MYO3B: variants seen among roughly 807,000 people sequenced by gnomAD.
MYO3B encodes myosin IIIB, also known as myosin-IIIb.
In MYO3B, 156 loss-of-function variants were observed where a neutral mutation model predicts 174.6. That is an observed-to-expected ratio of 0.89 (90% CI 0.78 to 1.02). MYO3B has a LOEUF of 1.02. MYO3B is among the 50% of genes least tolerant of loss of function. The pLI, the probability that MYO3B is intolerant of heterozygous loss-of-function variation, is 0.00. For missense variants in MYO3B, 1,632 were observed against 1,639.4 expected (o/e 1.00, Z 0.08); for synonymous variants, 563 against 569.1 (o/e 0.99, Z 0.15).
chr2:170,394,214 T>A (rs1378575612), intron 16 of MYO3B, among the ~76,000 whole-genome samples: 1 of 152,120 alleles, frequency 6.6e-6, no homozygotes, highest in Non-Finnish European at 1.5e-5. Context: ...CATGTGGGAG[T>A]TATTTATACC....
intron 9 of MYO3B, among the ~76,000 whole-genome samples, chr2:170,369,957 G>T (rs1262829328): frequency 6.6e-6 from 1 of 151,872 alleles, no homozygotes; most frequent in East Asian, 1.9e-4. Context: ...AAGCAACTGT[G>T]ATTCCTACCC....
In MYO3B at chr2:170,545,365, G is replaced by A. The variant is rs114676008; in HGVS notation, c.3733+1377G>A. Among the ~76,000 whole-genome samples the A allele has an allele frequency of 4.1e-3, 623 of 152,296 alleles. 3 individuals are homozygous for A. Among genetic ancestry groups the A allele is most frequent in the African/African-American group, 0.014 (600 of 41,550 alleles). On this transcript the variant is annotated intron_variant, in intron 32 of 34. Transcript: ENST00000408978. Reference sequence around the variant, plus strand: ...AGTGGTTTTACTTAGGATTAAATGAGCTAGTGTAAGTAAAAGGCATAGCAT... The same window carrying A: ...AGTGGTTTTACTTAGGATTAAATGAACTAGTGTAAGTAAAAGGCATAGCAT...
intron 12 of MYO3B, among the ~76,000 whole-genome samples, chr2:170,384,728 G>A (rs967228244): frequency 6.6e-5 from 10 of 152,180 alleles, no homozygotes; most frequent in Non-Finnish European, 1.3e-4. Flanking sequence ...TTGCCTCACT[G>A]TGTTGTCTTT....
chr2:170,280,611 T>C (rs1233487161), intron 7 of MYO3B, among the ~76,000 whole-genome samples: 1 of 152,156 alleles, frequency 6.6e-6, no homozygotes, highest in Non-Finnish European at 1.5e-5. Flanking sequence ...TAGTTGGGTT[T>C]TTACATTTAA....
Position 170,459,997 on chromosome 2 carries a change from G to T in MYO3B, c.2731-3371G>T, listed in dbSNP as rs187658703. On this transcript the variant is annotated intron_variant, in intron 23 of 34. Transcript: ENST00000408978. ...GACGCGCAGCCCTGGTTCCCAGCCC[G>T]TACCTCTCCCTCTTTACCTCCCCGC... 4.0e-4 allele frequency among the ~76,000 whole-genome samples: 61 copies of T among 152,136 alleles called. 1 individual carries two copies. The highest frequency in any genetic ancestry group is 6.8e-3 in the Middle Eastern group (2 of 294).
At chr2:170,439,468 A>G (rs2094783136) in intron 22 of MYO3B, among the ~76,000 whole-genome samples, 1 of 152,098 alleles carries the variant, frequency 6.6e-6, no homozygotes, top group South Asian at 2.1e-4. Flanking sequence ...ATCCTTTATT[A>G]GCTATATAGT....
intron 32 of MYO3B, among the ~76,000 whole-genome samples, chr2:170,572,838 C>A (rs1488798508): frequency 1.3e-5 from 2 of 152,122 alleles, no homozygotes; most frequent in African/African-American, 4.8e-5. Context: ...TGTCGTGAAT[C>A]TCCACCTGGT....
rs1691218672 is a variant in MYO3B at position 170,555,436 on chromosome 2, C to G, written c.3733+11448C>G. ...CTCCTTATTCCTCCCTCCCCACAAGCCCCTGGCAACCACTATTTGTTTTTT... is the reference window on the plus strand; with the variant it reads ...CTCCTTATTCCTCCCTCCCCACAAGGCCCTGGCAACCACTATTTGTTTTTT... On this transcript the variant is annotated intron_variant, in intron 32 of 34. Coordinates refer to ENST00000408978, the MANE Select transcript of MYO3B (RefSeq NM_138995.5). 2.0e-5 allele frequency among the ~76,000 whole-genome samples: 3 copies of G among 152,304 alleles called. 1 individual carries two copies. The highest frequency in any genetic ancestry group is 3.4e-3 in the Middle Eastern group (1 of 294).
Position 170,383,261 on chromosome 2 carries a change from G to T in MYO3B, c.1185+72G>T, listed in dbSNP as rs2094348894. On this transcript the variant is annotated intron_variant, in intron 11 of 34. Coordinates refer to ENST00000408978, the MANE Select transcript of MYO3B (RefSeq NM_138995.5). ...ACTCACAAGGGCAAATGAAGAGAAA[G>T]AAAAAGTAAGAATAAAATTATGCTA... The T allele has an allele frequency of 3.3e-6, 3 of 899,552 alleles. No individual in the cohort carries two copies. The Admixed American group carries it at 6.1e-5, about 18-fold the overall frequency. 55.7% of individuals were successfully genotyped at this position (899,552 alleles called of 1,614,324 possible).
chr2:170,444,151 C>A, intron 23 of MYO3B, 105 bp downstream of exon 23: 1 of 927,212 alleles, frequency 1.1e-6, no homozygotes, highest in Non-Finnish European at 1.7e-6. Flanking sequence ...CAGCCCTCTG[C>A]CTGGGCAGTC....
rs891119501 is a variant in MYO3B, at chr2:170,343,091, C to T, written c.815+7641C>T. On this transcript the variant is annotated intron_variant, in intron 8 of 34. Transcript: ENST00000408978. ...CACACACACACACCCCTCTCCACCC[C>T]TTCTCAATGGCAACAGCTCCCTCCA... Among the ~76,000 whole-genome samples, 5 of 149,262 alleles carry T rather than the reference C, an allele frequency of 3.3e-5. No homozygotes were observed. The Admixed American group carries it at 3.3e-4, about 10-fold the overall frequency.
intron 7 of MYO3B, among the ~76,000 whole-genome samples, chr2:170,260,870 A>G (rs2093340480): frequency 1.3e-5 from 2 of 152,218 alleles, no homozygotes; most frequent in Admixed American, 6.5e-5. Flanking sequence ...GATATATTTC[A>G]TAGTAAGAAG....
At chr2:170,201,188 G>C (rs533792826) in intron 3 of MYO3B, among the ~76,000 whole-genome samples, 1 of 152,128 alleles carries the variant, frequency 6.6e-6, no homozygotes, top group African/African-American at 2.4e-5. Flanking sequence ...AGTCAATTCC[G>C]AACAAATACG....
Position 170,399,242 on chromosome 2 carries a change from CAAAAAA to C in MYO3B, c.1792-927_1792-922del, listed in dbSNP as rs71399532. ...GGGCAACAAGAGCGAAATTCCGTCT[CAAAAAA>C]AAAAAAAAAAAAAAAAAAGAGAGAG... is the stretch of plus-strand genomic sequence containing the variant. On this transcript the variant is annotated intron_variant, in intron 16 of 34. Transcript: ENST00000408978. Among the ~76,000 whole-genome samples, 2 of 15,608 alleles carry C rather than the reference CAAAAAA, an allele frequency of 1.3e-4. 1 individual carries two copies. The highest frequency in any genetic ancestry group is 2.7e-4 in the Non-Finnish European group (2 of 7,472). The allele number at this position is 15,608 out of a possible 152,430, so 10.2% of individuals were successfully genotyped here.
chr2:170,629,546 T>C (rs367730062), intron 32 of MYO3B, among the ~76,000 whole-genome samples: 1 of 152,326 alleles, frequency 6.6e-6, no homozygotes, highest in Admixed American at 6.5e-5. Flanking sequence ...TACTGAAGAC[T>C]AATGTTAAAA....
chr2:170,193,413 T>C (rs1013173376), intron 1 of MYO3B, among the ~76,000 whole-genome samples: 2 of 152,108 alleles, frequency 1.3e-5, no homozygotes, highest in African/African-American at 4.8e-5. Context: ...TTTTTTACTT[T>C]TAAAGTTTCT....
At chr2:170,475,373 A>G (rs923307983) in intron 25 of MYO3B, among the ~76,000 whole-genome samples, 1 of 152,102 alleles carries the variant, frequency 6.6e-6, no homozygotes, top group African/African-American at 2.4e-5. Flanking sequence ...GCCTCAGCCT[A>G]CAAGCAACCG....
chr2:170,504,381 G>T (rs957599580), intron 28 of MYO3B, among the ~76,000 whole-genome samples: 1 of 152,078 alleles, frequency 6.6e-6, no homozygotes, highest in Non-Finnish European at 1.5e-5. Flanking sequence ...GAAGCATTTG[G>T]CCTACATGTT....
At chr2:170,462,835 G>A (rs1449340238) in intron 23 of MYO3B, among the ~76,000 whole-genome samples, 1 of 152,240 alleles carries the variant, frequency 6.6e-6, no homozygotes, top group Non-Finnish European at 1.5e-5. Context: ...GCATTCCATT[G>A]GGTTTCCGAG....
Sources: allele counts gnomAD v4.1 joint callset (sites outside exome capture counted in the v4.1 genomes callset), GRCh38; gene constraint gnomAD v4.1.1; transcripts MANE v1.5; gene names NCBI Gene and HGNC (gene_info 2026-07-23, HGNC 2026-07-21).